TRIM49: variants seen among roughly 807,000 people sequenced by gnomAD.
The protein encoded by TRIM49 is tripartite motif containing 49.
A neutral mutation model predicts 27.4 loss-of-function variants in TRIM49; 5 were observed. That is an observed-to-expected ratio of 0.18 (90% confidence interval 0.10 to 0.38). TRIM49 has a LOEUF of 0.38. Ranked by LOEUF, TRIM49 falls within the 10% of genes least tolerant of loss-of-function variation. The pLI is 1.00. For missense variants in TRIM49, 188 were observed against 487.5 expected, an observed-to-expected ratio of 0.39 and a Z score of 5.79; for synonymous variants, 69 against 166.0, an observed-to-expected ratio of 0.42 and a Z score of 4.49.
At chr11:89,787,421 C>G in the TRIM49 span, 1 of 309,298 alleles carries the variant, frequency 3.2e-6, no homozygotes, top group Non-Finnish European at 5.9e-6. Context: ...GCGGCAGGCG[C>G]AGGTGGCGGG....
chr11:89,805,396 T>C (rs1949781249), intron 2 of TRIM49, among the ~76,000 whole-genome samples: 1 of 150,328 alleles, frequency 6.7e-6, no homozygotes, highest in Non-Finnish European at 1.5e-5. Flanking sequence ...ACATGTGAGC[T>C]GGTGAGCTGA....
At chr11:89,794,388 T>G (rs1327813458), downstream of TRIM49, among the ~76,000 whole-genome samples, 9 of 144,746 alleles carry the variant, frequency 6.2e-5, no homozygotes, top group African/African-American at 2.0e-4. Flanking sequence ...AAAAAACTAC[T>G]TTAAAGTTCA....
chr11:89,790,429 T>C, the TRIM49 span, among the ~76,000 whole-genome samples: 13 of 151,096 alleles, frequency 8.6e-5, no homozygotes, highest in African/African-American at 3.2e-4. Context: ...AGCACAGAGT[T>C]TGAGATCTGA....
chr11:89,796,447 A>T (rs1338331387), downstream of TRIM49, among the ~76,000 whole-genome samples: 1 of 135,416 alleles, frequency 7.4e-6, no homozygotes, highest in South Asian at 2.3e-4. Context: ...TGTTGCCTCC[A>T]CTGGTCTGGA....
At chr11:89,782,003 A>T in the TRIM49 span, 90 of 1,528,206 alleles carry the variant, frequency 5.9e-5, 4 homozygotes, top group Admixed American at 6.0e-5. Context: ...GGGAGTGGAC[A>T]GCTTTGCTGT....
intron 5 of TRIM49, among the ~76,000 whole-genome samples, chr11:89,801,219 G>A (rs1257689648): frequency 6.7e-6 from 1 of 148,196 alleles, no homozygotes; most frequent in Non-Finnish European, 1.5e-5. Flanking sequence ...AGAAGTGAAG[G>A]GAGAAGAGGC....
At chr11:89,800,667 C>T (rs1477483334) in intron 6 of TRIM49, among the ~76,000 whole-genome samples, 5 of 149,904 alleles carry the variant, frequency 3.3e-5, no homozygotes, top group African/African-American at 5.0e-5. Flanking sequence ...GGTGTGAACC[C>T]GGGAGGCGGA....
chr11:89,807,573 G>T (rs1378731091), intron 1 of TRIM49, among the ~76,000 whole-genome samples: 2 of 150,186 alleles, frequency 1.3e-5, no homozygotes, highest in African/African-American at 2.5e-5. Flanking sequence ...CTAGAGAAAG[G>T]GTCTCCTTCT....
chr11:89,773,118 G>A, the TRIM49 span, among the ~76,000 whole-genome samples: 16 of 136,586 alleles, frequency 1.2e-4, 3 homozygotes, highest in South Asian at 3.6e-3. Flanking sequence ...TTGAACCTCG[G>A]AGGCAGAGGT....
chr11:89,775,214 C>G, the TRIM49 span, among the ~76,000 whole-genome samples: 1 of 109,934 alleles, frequency 9.1e-6, no homozygotes, highest in Admixed American at 9.2e-5. Flanking sequence ...CCGGTCTCTA[C>G]TAAAAATACA....
chr11:89,777,437 A>G, the TRIM49 span: 2 of 1,530,520 alleles, frequency 1.3e-6, no homozygotes, highest in Non-Finnish European at 1.8e-6. Flanking sequence ...CCAAATAAGA[A>G]TGATGAGGGC....
chr11:89,797,864 A>G lies in TRIM49; in HGVS notation c.*266T>C, dbSNP rs1949702371. The G allele has an allele frequency of 8.7e-6, 1 of 114,878 alleles. No homozygotes were observed. The highest frequency in any genetic ancestry group is 1.2e-4 in the Admixed American group (1 of 8,270). The allele number at this position is 114,878 out of a possible 1,614,324, so 7.1% of individuals were successfully genotyped here. On this transcript the variant is annotated 3_prime_UTR_variant, in exon 8 of 8. Coordinates refer to ENST00000329758, the MANE Select transcript of TRIM49 (RefSeq NM_020358.2). ...TTATTTCACTCAGTGACAGTCATAA[A>G]TAAAGAAAAAAAAGAGAATATACTG... is the stretch of plus-strand genomic sequence containing the variant.
chr11:89,802,166 CA>C (rs1184191166), intron 4 of TRIM49, among the ~76,000 whole-genome samples: 1 of 132,388 alleles, frequency 7.6e-6, no homozygotes, highest in Non-Finnish European at 1.6e-5. Flanking sequence ...TAGTTGAAAA[CA>C]AAAAAACACA....
At chr11:89,770,525 A>G in the TRIM49 span, among the ~76,000 whole-genome samples, 1 of 142,270 alleles carries the variant, frequency 7.0e-6, no homozygotes, top group East Asian at 2.0e-4. Context: ...TATCTGCCCA[A>G]ATATATTCTA....
At chr11:89,802,436 C>T (rs1249114732) in intron 4 of TRIM49, among the ~76,000 whole-genome samples, 3 of 150,454 alleles carry the variant, frequency 2.0e-5, no homozygotes, top group Non-Finnish European at 4.4e-5. Context: ...AATTCATTTC[C>T]TTCTATTCTT....
chr11:89,767,573 C>A, the TRIM49 span, among the ~76,000 whole-genome samples: 8 of 124,094 alleles, frequency 6.4e-5, 2 homozygotes, highest in African/African-American at 3.1e-4. Context: ...GATTCCTTGC[C>A]AGAATTATCT....
rs369449377 is a variant in TRIM49, at chr11:89,804,099, T to C, written c.371A>G (p.His124Arg). ...LCSSSQEHRY[H>R]RHRPIEWAAE... is the part of the protein sequence containing the mutation. ...AGCCCACTCAATGGGACGGTGTCTGTGATACCGGTGCTCCTGAGAGCTGGA... is the reference window on the plus strand; with the variant it reads ...AGCCCACTCAATGGGACGGTGTCTGCGATACCGGTGCTCCTGAGAGCTGGA... The change falls in exon 3 of 8, where the codon CAC becomes CGC. Residue 124 changes from histidine (H) to arginine (R), a missense_variant. Around this residue, in one of 6 missense-constraint regions of TRIM49, gnomAD observed 21 missense variants for 71.4 expected, o/e 0.29. Transcript: ENST00000329758. 49 of 1,607,302 alleles carry C rather than the reference T, an allele frequency of 3.0e-5. No homozygotes were observed. Among genetic ancestry groups the C allele is most frequent in the Non-Finnish European group, 3.9e-5 (46 of 1,177,850 alleles).
downstream of TRIM49, among the ~76,000 whole-genome samples, chr11:89,792,821 C>T (rs541441671): frequency 9.3e-4 from 141 of 152,162 alleles, no homozygotes; most frequent in African/African-American, 2.9e-3. Flanking sequence ...ACCCTAACAT[C>T]ACAACTAAAA....
At chr11:89,782,056 G>T in the TRIM49 span, 1 of 1,534,312 alleles carries the variant, frequency 6.5e-7, no homozygotes, top group South Asian at 1.2e-5. Context: ...ATTACTGGGA[G>T]GTGGATGTGA....
Sources: allele counts gnomAD v4.1 joint callset (sites outside exome capture counted in the v4.1 genomes callset), GRCh38; gene constraint gnomAD v4.1.1; regional missense constraint gnomAD v4.1.1; transcripts MANE v1.5; gene names NCBI Gene and HGNC (gene_info 2026-07-23, HGNC 2026-07-21).